RRAGD: variants seen among roughly 807,000 people sequenced by gnomAD.
The protein encoded by RRAGD is ras-related GTP-binding protein D.
In RRAGD, 12 loss-of-function variants were observed where a neutral mutation model predicts 35.5. The ratio of observed to expected loss-of-function variants is 0.34; its 90% CI spans 0.22 to 0.55. RRAGD has a LOEUF of 0.55. Ranked by LOEUF, RRAGD falls within the 20% of genes least tolerant of loss-of-function variation. RRAGD has a pLI of 0.91. For synonymous variants in RRAGD, 155 were observed against 178.9 expected (o/e 0.87, Z 1.07); for missense variants, 324 against 490.1 (o/e 0.66, Z 3.20).
intron 2 of RRAGD, among the ~76,000 whole-genome samples, chr6:89,384,702 C>T (rs1054547812): frequency 5.3e-5 from 8 of 151,594 alleles, no homozygotes; most frequent in African/African-American, 1.9e-4. Flanking sequence ...GCAGTCCCAG[C>T]TACTCGGGAG....
chr6:89,396,059 A>G (rs1327796117), intron 1 of RRAGD, among the ~76,000 whole-genome samples: 1 of 152,194 alleles, frequency 6.6e-6, no homozygotes, highest in Non-Finnish European at 1.5e-5. Flanking sequence ...AGGGTAAAAT[A>G]TTTATGACTT....
Position 89,367,410 on chromosome 6 carries a change from G to C in RRAGD, c.*646C>G, listed in dbSNP as rs561303453. ...CAGCTTCATAAAAACCGTTGAGCAGGGAAGCACAGCCACTGCTATAGAAAT... is the reference window on the plus strand; with the variant it reads ...CAGCTTCATAAAAACCGTTGAGCAGCGAAGCACAGCCACTGCTATAGAAAT... On this transcript the variant is annotated 3_prime_UTR_variant, in exon 7 of 7. Transcript: ENST00000369415. 2 of 152,176 alleles carry C rather than the reference G, an allele frequency of 1.3e-5. No individual in the cohort carries two copies. The highest frequency in any genetic ancestry group is 2.9e-5 in the Non-Finnish European group (2 of 68,042). The allele number at this position is 152,176 out of a possible 1,614,324, so 9.4% of individuals were successfully genotyped here. A position where few individuals can be genotyped will look rare whatever the true frequency, so the allele number is the denominator to read the frequency against.
At position 89,368,196 on chromosome 6, in the gene RRAGD, A is replaced by G; in HGVS notation, c.1063T>C (p.Tyr355His). The G allele has an allele frequency of 3.7e-6, 6 of 1,613,384 alleles. No homozygotes were observed. The highest frequency in any genetic ancestry group is 5.1e-6 in the Non-Finnish European group (6 of 1,179,756). Residue 355 changes from tyrosine to histidine, a missense_variant, in exon 7 of 7, where the codon TAT (tyrosine) becomes CAT (histidine). This residue lies in a region of RRAGD where 68 missense variants were observed against 76.8 expected (regional missense o/e 0.89). Transcript: ENST00000369415. ...GCCTTCCGGAAGCAATGAAAATTATAGTCAATTAGCCCTGGAGAAGAGAAC... is the reference window on the plus strand; with the variant it reads ...GCCTTCCGGAAGCAATGAAAATTATGGTCAATTAGCCCTGGAGAAGAGAAC... ...ESFERKGLID[Y>H]NFHCFRKAIH...
rs12663458 is a variant in RRAGD at position 89,404,955 on chromosome 6, G to T, written c.148+6891C>A. 5.9e-5 allele frequency among the ~76,000 whole-genome samples: 9 copies of T among 152,100 alleles called. No homozygotes were observed. In the South Asian group the frequency reaches 1.9e-3, roughly 32 times the overall value. On this transcript the variant is annotated intron_variant, in intron 1 of 6. Transcript: ENST00000369415. ...GAGATATCATATGAAATGCACTTCA[G>T]AAATTCTATTGAGAAGTATTATAAT... is the stretch of plus-strand genomic sequence containing the variant.
chr6:89,377,931 T>A, intron 4 of RRAGD, 118 bp from the exon 5 acceptor site: 1 of 699,080 alleles, frequency 1.4e-6, no homozygotes. Flanking sequence ...AACTCGCTAC[T>A]AAAAATTTAA....
chr6:89,369,351 T>C (rs1419531370), intron 6 of RRAGD, among the ~76,000 whole-genome samples: 3 of 152,228 alleles, frequency 2.0e-5, no homozygotes, highest in Non-Finnish European at 2.9e-5. Context: ...GCCTCAAGAT[T>C]CTCTGCTTTT....
intron 1 of RRAGD, among the ~76,000 whole-genome samples, chr6:89,395,423 A>G (rs1769314640): frequency 6.6e-6 from 1 of 152,214 alleles, no homozygotes; most frequent in South Asian, 2.1e-4. Flanking sequence ...AACAACTTAA[A>G]TCGATAGAAC....
Position 89,380,189 on chromosome 6 carries a change from C to A in RRAGD, c.623G>T (p.Gly208Val). 1 of 1,614,182 alleles carries A rather than the reference C, an allele frequency of 6.2e-7. No homozygotes were observed. The highest frequency in any genetic ancestry group is 1.1e-5 in the South Asian group (1 of 91,088). Residue 208 changes from glycine to valine, a missense_variant, in exon 3 of 7, where the codon GGA (glycine) becomes GTA (valine). Physicochemically the swap from Gly to Val is moderately radical, Grantham distance 109. Coordinates refer to ENST00000369415, the MANE Select transcript of RRAGD (RefSeq NM_021244.5). ...TCACCTGAGGTGAATTTTTTCTAAT[C>A]CAGCATCTGCAAGGTCATCGTTTGC... ...QRANDDLADA[G>V]LEKIHLSFYL... is the part of the protein sequence containing the mutation.
intron 6 of RRAGD, among the ~76,000 whole-genome samples, chr6:89,371,235 T>A (rs1351813049): frequency 6.6e-6 from 1 of 151,874 alleles, no homozygotes; most frequent in Non-Finnish European, 1.5e-5. Context: ...ACTCCTTTAA[T>A]CCCAGCACTT....
chr6:89,412,102 C>CCTG lies in RRAGD; in HGVS notation c.-110_-109insCAG. 9.3e-7 allele frequency: 1 copy of CCTG among 1,080,358 alleles called. No individual in the cohort carries two copies. The highest frequency in any genetic ancestry group is 2.5e-5 in the South Asian group (1 of 39,702). 66.9% of individuals were successfully genotyped at this position (1,080,358 alleles called of 1,614,324 possible). A position where few individuals can be genotyped will look rare whatever the true frequency, so the allele number is the denominator to read the frequency against. On this transcript the variant is annotated 5_prime_UTR_variant, in exon 1 of 7. Coordinates refer to ENST00000369415, the MANE Select transcript of RRAGD (RefSeq NM_021244.5). The surrounding 1 kb of genome is among the most constrained non-coding windows in gnomAD (Gnocchi z 4.2). The stretch of plus-strand genomic sequence containing the variant: ...TTCTGAAGCGGAGGTTTGTCTAGAG[C>CCTG]TCAGCGGGGCCCGGCGGAAGCGGGG...
rs1014638529 is a variant in RRAGD at position 89,368,448 on chromosome 6, A to G, written c.1052-241T>C. Among the ~76,000 whole-genome samples the G allele has an allele frequency of 3.3e-5, 5 of 152,246 alleles. No homozygotes were observed. The South Asian group carries it at 6.2e-4, about 19-fold the overall frequency. ...GATGCAAGGTTGCAGAGCATAGACC[A>G]TATTTTCAAAGGTTCCTATGACCCA... On this transcript the variant is annotated intron_variant, in intron 6 of 6. Transcript: ENST00000369415.
chr6:89,405,002 T>C (rs774968747), intron 1 of RRAGD, among the ~76,000 whole-genome samples: 35 of 152,076 alleles, frequency 2.3e-4, no homozygotes, highest in Middle Eastern at 3.2e-3. Context: ...CTCTGAGAGG[T>C]AGCATCTTTG....
intron 2 of RRAGD, among the ~76,000 whole-genome samples, chr6:89,386,906 C>T (rs888201508): frequency 6.6e-6 from 1 of 152,070 alleles, no homozygotes; most frequent in African/African-American, 2.4e-5. Flanking sequence ...AATTTTCACA[C>T]CTAGAACTTT....
At chr6:89,375,802 T>G (rs770472993) in intron 5 of RRAGD, among the ~76,000 whole-genome samples, 3 of 152,234 alleles carry the variant, frequency 2.0e-5, no homozygotes, top group Non-Finnish European at 4.4e-5. Context: ...CTCAGAACAC[T>G]GTACTCCACC....
intron 1 of RRAGD, among the ~76,000 whole-genome samples, chr6:89,405,075 G>A (rs1294504691): frequency 2.0e-5 from 3 of 152,132 alleles, no homozygotes; most frequent in African/African-American, 7.2e-5. Context: ...TAGTGGCCAG[G>A]CACGGTGGCT....
At position 89,365,072 on chromosome 6, in the gene RRAGD, G is replaced by T. The variant is rs1768715761; in HGVS notation, c.*2984C>A. 6.6e-6 allele frequency: 1 copy of T among 152,206 alleles called. No homozygotes were observed. Among genetic ancestry groups the T allele is most frequent in the Non-Finnish European group, 1.5e-5 (1 of 68,028 alleles). The allele number at this position is 152,206 out of a possible 1,614,324, so 9.4% of individuals were successfully genotyped here. A position where few individuals can be genotyped will look rare whatever the true frequency, so the allele number is the denominator to read the frequency against. ...TTTTCCAGAGTATATTTCAAACAGA[G>T]TTGGCATATAACCCGTATGTAACAA... On this transcript the variant is annotated 3_prime_UTR_variant, in exon 7 of 7. Coordinates refer to ENST00000369415, the MANE Select transcript of RRAGD (RefSeq NM_021244.5).
At chr6:89,397,619 A>T (rs1769364864) in intron 1 of RRAGD, among the ~76,000 whole-genome samples, 1 of 151,514 alleles carries the variant, frequency 6.6e-6, no homozygotes, top group African/African-American at 2.4e-5. Context: ...AAAAACAAAA[A>T]AAAACAAAAA....
intron 2 of RRAGD, among the ~76,000 whole-genome samples, chr6:89,381,022 G>A (rs531330897): frequency 1.3e-4 from 20 of 152,146 alleles, no homozygotes; most frequent in Non-Finnish European, 2.4e-4. Context: ...AGTCTCTTGT[G>A]AACTGTGATG....
intron 1 of RRAGD, among the ~76,000 whole-genome samples, chr6:89,402,550 A>G (rs1296897705): frequency 1.3e-5 from 2 of 152,080 alleles, no homozygotes; most frequent in Admixed American, 6.5e-5. Context: ...GACAAGGGAG[A>G]CAGAAGCCCT....
Sources: gnomAD v4.1 joint callset for allele counts (sites outside exome capture counted in the v4.1 genomes callset) on GRCh38, gnomAD v4.1.1 for gene constraint, gnomAD v4.1.1 regional missense constraint, Gnocchi (gnomAD v3.1) non-coding constraint, MANE v1.5 for transcripts, NCBI Gene and HGNC (gene_info 2026-07-23, HGNC 2026-07-21) for gene names.